ALK: variants seen among roughly 807,000 people sequenced by gnomAD.
ALK encodes the protein ALK receptor tyrosine kinase.
A neutral mutation model predicts 163.1 loss-of-function variants in ALK; 74 were observed. That is an observed-to-expected ratio of 0.45 (90% CI 0.38 to 0.55). The LOEUF is 0.55. Among genes scored for constraint, ALK ranks in the 20% least tolerant of loss-of-function variants. ALK has a pLI of 0.00. For missense variants in ALK, 2,063 were observed against 2,105.3 expected, an observed-to-expected ratio of 0.98 and a Z score of 0.39; for synonymous variants, 960 against 843.2, an observed-to-expected ratio of 1.14 and a Z score of -2.40.
chr2:29,640,208 T>C (rs772099933), intron 3 of ALK, among the ~76,000 whole-genome samples: 2 of 152,188 alleles, frequency 1.3e-5, no homozygotes, highest in African/African-American at 2.4e-5. Context: ...GCATTTACTA[T>C]GTGCCGGGTG....
chr2:29,771,807 T>C (rs1681036003), intron 1 of ALK, among the ~76,000 whole-genome samples: 1 of 152,142 alleles, frequency 6.6e-6, no homozygotes, highest in Non-Finnish European at 1.5e-5. Flanking sequence ...GTGCTGGGAT[T>C]ACAGGCATGA....
At chr2:29,228,759 G>A (rs1441725690) in intron 16 of ALK, 125 bp downstream of exon 16, 14 of 716,918 alleles carry the variant, frequency 2.0e-5, no homozygotes, top group Middle Eastern at 3.2e-4. Context: ...AGAGGGAGGC[G>A]TGCAGTCACA....
intron 3 of ALK, among the ~76,000 whole-genome samples, chr2:29,684,434 C>A (rs1678177231): frequency 6.6e-6 from 1 of 152,180 alleles, no homozygotes; most frequent in Non-Finnish European, 1.5e-5. Flanking sequence ...GGCAGGGAAA[C>A]TATAAACAGC....
intron 1 of ALK, among the ~76,000 whole-genome samples, chr2:29,857,733 GT>G (rs1666178591): frequency 6.6e-6 from 1 of 152,226 alleles, no homozygotes; most frequent in Admixed American, 6.5e-5. Flanking sequence ...ATGAACAAAA[GT>G]CCCATGAAAT....
chr2:29,868,301 C>G (rs1666492579), intron 1 of ALK, among the ~76,000 whole-genome samples: 1 of 152,176 alleles, frequency 6.6e-6, no homozygotes, highest in Non-Finnish European at 1.5e-5. Flanking sequence ...TTTTGAGCAC[C>G]TACTATGTAT....
intron 12 of ALK, among the ~76,000 whole-genome samples, chr2:29,247,855 T>C (rs1244821319): frequency 6.6e-6 from 1 of 152,156 alleles, no homozygotes; most frequent in Non-Finnish European, 1.5e-5. Flanking sequence ...CCCACCTTTC[T>C]GTTTCCAAGC....
chr2:29,218,606 C>G (rs544855505), intron 23 of ALK, among the ~76,000 whole-genome samples: 8 of 152,288 alleles, frequency 5.3e-5, no homozygotes, highest in Non-Finnish European at 1.0e-4. Context: ...ACACACCACT[C>G]CTCACTCCTG....
rs191609577 is a variant in ALK, at chr2:29,343,099, G to T, written c.1283-14618C>A. ...GATGGGGTTTCACCATGTTAGCCAG[G>T]ATGGTCTCGATCTCCTGACCTCGTG... is the stretch of plus-strand genomic sequence containing the variant. On this transcript the variant is annotated intron_variant, in intron 5 of 28. Coordinates refer to ENST00000389048, the MANE Select transcript of ALK (RefSeq NM_004304.5). Among the ~76,000 whole-genome samples the T allele has an allele frequency of 6.0e-3, 903 of 151,346 alleles. 11 individuals are homozygous for T. Among genetic ancestry groups the T allele is most frequent in the Non-Finnish European group, 9.3e-3 (629 of 67,764 alleles).
intron 4 of ALK, among the ~76,000 whole-genome samples, chr2:29,512,213 AAT>A (rs901992414): frequency 6.6e-6 from 1 of 152,160 alleles, no homozygotes; most frequent in African/African-American, 2.4e-5. Context: ...GGTCTAGACC[AAT>A]ATCCTTGATG....
intron 1 of ALK, among the ~76,000 whole-genome samples, chr2:29,735,199 G>T (rs1327248105): frequency 6.6e-6 from 1 of 151,130 alleles, no homozygotes; most frequent in African/African-American, 2.5e-5. Flanking sequence ...GCCCTACAGG[G>T]GGTTCTGATT....
At chr2:29,817,642 T>C (rs1664934488) in intron 1 of ALK, among the ~76,000 whole-genome samples, 1 of 152,182 alleles carries the variant, frequency 6.6e-6, no homozygotes, top group Admixed American at 6.6e-5. Context: ...GGAATTTAAA[T>C]GGTTTGCCCA....
At chr2:29,307,567 T>A (rs1441707520) in intron 8 of ALK, among the ~76,000 whole-genome samples, 1 of 152,208 alleles carries the variant, frequency 6.6e-6, no homozygotes, top group East Asian at 1.9e-4. Context: ...GGGTTGTAAT[T>A]CTCAGTGTGA....
In ALK at chr2:29,614,790, T is replaced by C. The variant is rs922874248; in HGVS notation, c.952+80060A>G. Among the ~76,000 whole-genome samples the C allele has an allele frequency of 6.6e-5, 10 of 152,104 alleles. No individual in the cohort carries two copies. In the East Asian group the frequency reaches 1.9e-3, roughly 29 times the overall value. On this transcript the variant is annotated intron_variant, in intron 3 of 28. Coordinates refer to ENST00000389048, the MANE Select transcript of ALK (RefSeq NM_004304.5). ...CCAGAATCCCCCCATCCCTGATGTT[T>C]CTTCTTAGTAATTTTCTATACACAG...
intron 26 of ALK, 54 bp downstream of exon 26, chr2:29,207,117 C>T (rs750649361): frequency 6.2e-6 from 9 of 1,448,104 alleles, no homozygotes; most frequent in Non-Finnish European, 8.7e-6. Context: ...TCCTTTGGCC[C>T]AGGAGCACCA....
At chr2:29,257,288 A>G (rs761352089) in intron 11 of ALK, among the ~76,000 whole-genome samples, 3 of 152,190 alleles carry the variant, frequency 2.0e-5, no homozygotes, top group African/African-American at 7.2e-5. Context: ...CATACCCCAT[A>G]CTGAAAACAT....
intron 4 of ALK, among the ~76,000 whole-genome samples, chr2:29,422,225 T>C (rs1048579232): frequency 8.6e-5 from 13 of 150,582 alleles, no homozygotes; most frequent in African/African-American, 3.0e-4. Context: ...ATCAAAGTCA[T>C]TTTTGGAAGA....
chr2:29,455,366 C>G (rs1019987116), intron 4 of ALK, among the ~76,000 whole-genome samples: 1 of 152,112 alleles, frequency 6.6e-6, no homozygotes, highest in African/African-American at 2.4e-5. Flanking sequence ...CCTCTCCTAC[C>G]CTGGGAGAGC....
chr2:29,679,742 G>A (rs919324456), intron 3 of ALK, among the ~76,000 whole-genome samples: 7 of 140,354 alleles, frequency 5.0e-5, no homozygotes, highest in Admixed American at 4.4e-4. Flanking sequence ...GAAAAAGGTT[G>A]TTTAAGCCTT....
intron 4 of ALK, among the ~76,000 whole-genome samples, chr2:29,507,830 A>G (rs1255087678): frequency 6.6e-6 from 1 of 152,124 alleles, no homozygotes; most frequent in African/African-American, 2.4e-5. Flanking sequence ...CATGATGTCA[A>G]TGAGTTGATG....
Sources: gnomAD v4.1 joint callset for allele counts (sites outside exome capture counted in the v4.1 genomes callset) on GRCh38, gnomAD v4.1.1 for gene constraint, MANE v1.5 for transcripts, NCBI Gene and HGNC (gene_info 2026-07-23, HGNC 2026-07-21) for gene names.